The following TMC1 variants were observed in gnomAD, a reference collection of about 807,000 sequenced individuals.
The protein encoded by TMC1 is transmembrane channel like 1.
In TMC1, 84 loss-of-function variants were observed where a neutral mutation model predicts 105.8. That is an observed-to-expected ratio of 0.79 (90% CI 0.67 to 0.95). TMC1 has a LOEUF of 0.95. TMC1 is among the 40% of genes least tolerant of loss of function. The pLI, the probability that TMC1 is intolerant of heterozygous loss-of-function variation, is 0.00. For missense variants in TMC1, 817 were observed against 914.1 expected, an observed-to-expected ratio of 0.89 and a Z score of 1.37; for synonymous variants, 315 against 311.5, an observed-to-expected ratio of 1.01 and a Z score of -0.12.
Position 72,736,388 on chromosome 9 carries a change from G to A in TMC1, c.363-3731G>A, listed in dbSNP as rs140045478. 7.8e-4 allele frequency among the ~76,000 whole-genome samples: 119 copies of A among 152,206 alleles called. 2 individuals carry two copies. In the East Asian group the frequency reaches 0.013, roughly 17 times the overall value. On this transcript the variant is annotated intron_variant, in intron 8 of 23. Transcript: ENST00000297784. ...CTTGGCTTCCTTCTCTGTTTCTTAA[G>A]TTTTGCTAGTTTAATGTTCACGAGC...
intron 8 of TMC1, among the ~76,000 whole-genome samples, chr9:72,725,857 A>AT (rs899186291): frequency 2.6e-5 from 4 of 151,654 alleles, no homozygotes; most frequent in Non-Finnish European, 4.4e-5. Flanking sequence ...TGCCCGGCTA[A>AT]TTTTTTGTAT....
chr9:72,658,668 G>A (rs1825922259), intron 5 of TMC1, among the ~76,000 whole-genome samples: 1 of 152,184 alleles, frequency 6.6e-6, no homozygotes, highest in Non-Finnish European at 1.5e-5. Flanking sequence ...AAGAATTCAT[G>A]TATTCCTTCT....
chr9:72,826,018 A>G (rs1277630728), intron 20 of TMC1, among the ~76,000 whole-genome samples: 1 of 152,218 alleles, frequency 6.6e-6, no homozygotes, highest in East Asian at 1.9e-4. Flanking sequence ...ATTAAAATAC[A>G]AAAGCAAAAC....
chr9:72,676,976 C>T (rs1588026434), intron 5 of TMC1, among the ~76,000 whole-genome samples: 1 of 152,092 alleles, frequency 6.6e-6, no homozygotes, highest in East Asian at 1.9e-4. Flanking sequence ...CTTTCCCTTT[C>T]TCTCTCATAG....
intron 10 of TMC1, among the ~76,000 whole-genome samples, chr9:72,747,178 C>T (rs1297570682): frequency 3.9e-5 from 6 of 152,092 alleles, no homozygotes; most frequent in Non-Finnish European, 7.4e-5. Flanking sequence ...AGCCAAAGCA[C>T]AGGGCTTAAA....
chr9:72,768,302 A>G (rs570787519), intron 12 of TMC1, among the ~76,000 whole-genome samples: 27 of 151,438 alleles, frequency 1.8e-4, no homozygotes, highest in African/African-American at 6.5e-4. Flanking sequence ...GGAAGGGAAC[A>G]TCACACACTG....
At chr9:72,716,437 C>CT (rs989403433) in intron 8 of TMC1, among the ~76,000 whole-genome samples, 16 of 152,268 alleles carry the variant, frequency 1.1e-4, no homozygotes, top group African/African-American at 3.9e-4. Flanking sequence ...GGGCTGCTGG[C>CT]TTTTTTTCAG....
At chr9:72,813,778 T>C (rs1260057005) in intron 18 of TMC1, among the ~76,000 whole-genome samples, 1 of 152,196 alleles carries the variant, frequency 6.6e-6, no homozygotes, top group African/African-American at 2.4e-5. Context: ...CTAAGCCTAA[T>C]GAGATAAGTG....
At chr9:72,563,251 G>C (rs1411299147) in intron 1 of TMC1, among the ~76,000 whole-genome samples, 1 of 152,176 alleles carries the variant, frequency 6.6e-6, no homozygotes, top group African/African-American at 2.4e-5. Context: ...AGGTCTTCCA[G>C]ACCAGATGAA....
intron 1 of TMC1, among the ~76,000 whole-genome samples, chr9:72,533,303 A>G (rs1417472155): frequency 6.6e-6 from 1 of 152,210 alleles, no homozygotes; most frequent in Non-Finnish European, 1.5e-5. Context: ...CCCTGGCTCT[A>G]GAAGAAACTC....
intron 8 of TMC1, among the ~76,000 whole-genome samples, chr9:72,713,547 A>G (rs1308377698): frequency 6.6e-6 from 1 of 152,106 alleles, no homozygotes; most frequent in Non-Finnish European, 1.5e-5. Flanking sequence ...TAGATTTTCT[A>G]GTTTATTTGC....
At chr9:72,535,212 CAGCATTTTGTTT>C (rs1216050853) in intron 1 of TMC1, among the ~76,000 whole-genome samples, 1 of 152,118 alleles carries the variant, frequency 6.6e-6, no homozygotes, top group African/African-American at 2.4e-5. Context: ...CTCATCTTTT[CAGCATTTTGTTT>C]AGCATGTTAC....
chr9:72,780,751 A>G (rs544934830), intron 13 of TMC1, among the ~76,000 whole-genome samples: 1 of 152,340 alleles, frequency 6.6e-6, no homozygotes, highest in Non-Finnish European at 1.5e-5. Context: ...TAAAAGATTC[A>G]ATTCAGCAAG....
intron 13 of TMC1, among the ~76,000 whole-genome samples, chr9:72,772,918 T>A (rs923981737): frequency 3.3e-5 from 5 of 152,198 alleles, no homozygotes; most frequent in Non-Finnish European, 5.9e-5. Flanking sequence ...GGTTTGTAAC[T>A]TGCAGAATCA....
intron 14 of TMC1, among the ~76,000 whole-genome samples, chr9:72,788,768 A>G (rs962542341): frequency 4.6e-5 from 7 of 152,210 alleles, no homozygotes; most frequent in Non-Finnish European, 1.0e-4. Flanking sequence ...GATATTTTAA[A>G]AACTAGAACA....
At chr9:72,761,223 C>T (rs1326796993) in intron 12 of TMC1, among the ~76,000 whole-genome samples, 1 of 151,964 alleles carries the variant, frequency 6.6e-6, no homozygotes, top group African/African-American at 2.4e-5. Context: ...AAGAGGATGT[C>T]TTTGTTGGCA....
chr9:72,634,985 G>A (rs1268028404), intron 4 of TMC1, among the ~76,000 whole-genome samples: 1 of 152,098 alleles, frequency 6.6e-6, no homozygotes, highest in Non-Finnish European at 1.5e-5. Flanking sequence ...AGCCAGGTGT[G>A]GTGGCTCACA....
At chr9:72,814,896 T>TTGTGTG (rs57564294) in intron 18 of TMC1, among the ~76,000 whole-genome samples, 4,101 of 119,096 alleles carry the variant, frequency 0.034, 81 homozygotes, top group East Asian at 0.08. Context: ...TGGATCATCT[T>TTGTGTG]TGTGTGTGTG....
At chr9:72,638,376 C>CT (rs1825569031) in intron 4 of TMC1, among the ~76,000 whole-genome samples, 1 of 152,118 alleles carries the variant, frequency 6.6e-6, no homozygotes, top group South Asian at 2.1e-4. Flanking sequence ...TCTAACTGCT[C>CT]TTCCAATTCA....
Sources: gnomAD v4.1 joint callset for allele counts (sites outside exome capture counted in the v4.1 genomes callset) on GRCh38, gnomAD v4.1.1 for gene constraint, MANE v1.5 for transcripts, NCBI Gene and HGNC (gene_info 2026-07-23, HGNC 2026-07-21) for gene names.